RIMS1: variants seen among roughly 807,000 people sequenced by gnomAD.
RIMS1 encodes the protein regulating synaptic membrane exocytosis 1.
In RIMS1, 83 loss-of-function variants were observed where a neutral mutation model predicts 214.1. The ratio of observed to expected loss-of-function variants is 0.39; its 90% CI spans 0.32 to 0.47. The LOEUF (loss-of-function observed/expected upper bound fraction) is 0.47. RIMS1 is among the 20% of genes least tolerant of loss of function. The probability of loss-of-function intolerance (pLI) is 0.99; values close to 1 mark genes in which losing one functional copy is unlikely to be tolerated. For synonymous variants in RIMS1, 793 were observed against 786.8 expected (o/e 1.01, Z -0.13); for missense variants, 2,050 against 2,161.8 (o/e 0.95, Z 1.03).
chr6:72,400,700 T>G lies in RIMS1; in HGVS notation c.5065T>G (p.Cys1689Gly). 6.2e-7 allele frequency: 1 copy of G among 1,612,546 alleles called. No individual in the cohort carries two copies. Among genetic ancestry groups the G allele is most frequent in the Middle Eastern group, 1.7e-4 (1 of 5,958 alleles). Residue 1689 changes from cysteine (C) to glycine (G), a missense_variant, in exon 34 of 34, where the codon TGT becomes GGT. By Grantham distance (159) the Cys-to-Gly change is radical (BLOSUM62 -3). Transcript: ENST00000521978. ...TCTGGAAAGTTCAACTGGGCCTCCC[T>G]GTATTCGATCATAGTGAACTCATAC... is the stretch of plus-strand genomic sequence containing the variant. ...SSLESSTGPP[C>G]IRS
intron 2 of RIMS1, among the ~76,000 whole-genome samples, chr6:72,019,335 T>A (rs1813817982): frequency 6.6e-6 from 1 of 152,194 alleles, no homozygotes; most frequent in Non-Finnish European, 1.5e-5. Context: ...CAAACCTTGG[T>A]CAGCAAATGA....
At chr6:72,115,716 G>A (rs9351889) in intron 4 of RIMS1, among the ~76,000 whole-genome samples, 41,146 of 151,560 alleles carry the variant, frequency 0.27, 6,582 homozygotes, top group Admixed American at 0.36. Context: ...CAACTGTGGG[G>A]TTAATATTAT....
rs560129752 is a variant in RIMS1 at position 71,970,626 on chromosome 6, T to C, written c.245+1563T>C. On this transcript the variant is annotated intron_variant, in intron 2 of 33. Transcript: ENST00000521978. The stretch of plus-strand genomic sequence containing the variant: ...TGTAGAAATCTGTCGTCACTTTAAT[T>C]GCACCTTGTGGAAACTTCCCTGTGG... Among the ~76,000 whole-genome samples, 3 of 152,346 alleles carry C rather than the reference T, an allele frequency of 2.0e-5. No individual in the cohort carries two copies. The South Asian group carries it at 6.2e-4, about 32-fold the overall frequency.
chr6:72,331,745 A>G (rs1435651533), intron 28 of RIMS1, among the ~76,000 whole-genome samples: 1 of 151,914 alleles, frequency 6.6e-6, no homozygotes, highest in African/African-American at 2.4e-5. Flanking sequence ...AAAAATGTAC[A>G]TAAAATGCAT....
Position 72,250,374 on chromosome 6 carries a change from T to C in RIMS1, c.2286T>C (p.Asn762=), listed in dbSNP as rs759813625. The stretch of plus-strand genomic sequence containing the variant: ...AAGTGGGACACCAGCTGATTGTAAA[T>C]GTTCTGCAAGCAACAGATCTACCTG... ...YDKVGHQLIV[N]VLQATDLPAR... Residue 762 remains asparagine, a synonymous_variant, in exon 13 of 34, where the codon AAT becomes AAC. Coordinates refer to ENST00000521978, the MANE Select transcript of RIMS1 (RefSeq NM_014989.7). 4 of 1,610,456 alleles carry C rather than the reference T, an allele frequency of 2.5e-6. No homozygotes were observed. The highest frequency in any genetic ancestry group is 2.2e-5 in the East Asian group (1 of 44,590).
intron 28 of RIMS1, among the ~76,000 whole-genome samples, chr6:72,325,202 A>G (rs1334812994): frequency 1.3e-5 from 2 of 151,776 alleles, no homozygotes; most frequent in African/African-American, 4.8e-5. Context: ...GGACATTACA[A>G]GATAGAAAAA....
At chr6:71,997,129 C>T (rs1803698027) in intron 2 of RIMS1, among the ~76,000 whole-genome samples, 1 of 152,104 alleles carries the variant, frequency 6.6e-6, no homozygotes, top group South Asian at 2.1e-4. Context: ...AACTTAATTA[C>T]TTTTGAAGAA....
intron 2 of RIMS1, among the ~76,000 whole-genome samples, chr6:72,069,925 T>C (rs546061469): frequency 6.6e-5 from 10 of 152,344 alleles, no homozygotes; most frequent in African/African-American, 2.4e-4. Context: ...GATACAGTGC[T>C]CAGAATAACT....
At position 72,237,714 on chromosome 6, in the gene RIMS1, T is replaced by C. The variant is rs190992812; in HGVS notation, c.1858-109T>C. 158 of 784,020 alleles carry C rather than the reference T, an allele frequency of 2.0e-4. No individual in the cohort carries two copies. The Middle Eastern group carries it at 2.2e-3, about 11-fold the overall frequency. The allele number at this position is 784,020 out of a possible 1,614,324, so 48.6% of individuals were successfully genotyped here. A position where few individuals can be genotyped will look rare whatever the true frequency, so the allele number is the denominator to read the frequency against. ...AAGTGCTTCACTTCATTAATGTTTCTACATGCAATTTCAAGTGTATCATAA... is the reference window on the plus strand; with the variant it reads ...AAGTGCTTCACTTCATTAATGTTTCCACATGCAATTTCAAGTGTATCATAA... On this transcript the variant is annotated intron_variant, in intron 8 of 33. Transcript: ENST00000521978.
chr6:71,948,761 AGAG>A (rs1788603521), intron 1 of RIMS1, among the ~76,000 whole-genome samples: 1 of 152,196 alleles, frequency 6.6e-6, no homozygotes, highest in East Asian at 1.9e-4. Flanking sequence ...CAGCTAACCT[AGAG>A]GAGAAGGCAG....
chr6:72,131,665 G>T (rs2040461246), intron 4 of RIMS1, among the ~76,000 whole-genome samples: 1 of 152,180 alleles, frequency 6.6e-6, no homozygotes, highest in South Asian at 2.1e-4. Context: ...TGCTAATGAA[G>T]TTTTGGGCAC....
At chr6:72,336,707 T>C (rs568944132) in intron 29 of RIMS1, among the ~76,000 whole-genome samples, 8 of 151,960 alleles carry the variant, frequency 5.3e-5, no homozygotes, top group African/African-American at 1.7e-4. Context: ...TTTCATTTGA[T>C]AGCCTATCCT....
intron 1 of RIMS1, among the ~76,000 whole-genome samples, chr6:71,967,106 C>T (rs1243440349): frequency 3.3e-5 from 5 of 152,132 alleles, no homozygotes; most frequent in East Asian, 3.9e-4. Context: ...AAAAATGCTG[C>T]GGCCAGGCGC....
At chr6:72,037,509 T>C (rs367788529) in intron 2 of RIMS1, among the ~76,000 whole-genome samples, 1 of 152,174 alleles carries the variant, frequency 6.6e-6, no homozygotes, top group East Asian at 1.9e-4. Flanking sequence ...CTTGAGGTTT[T>C]AGTTTTTTTT....
At chr6:72,145,664 C>T (rs1458718849) in intron 4 of RIMS1, among the ~76,000 whole-genome samples, 2 of 152,030 alleles carry the variant, frequency 1.3e-5, no homozygotes, top group Non-Finnish European at 2.9e-5. Context: ...GGTTAGGAAC[C>T]CCGTATAAAG....
At chr6:72,290,212 G>A (rs1289022925) in intron 24 of RIMS1, among the ~76,000 whole-genome samples, 2 of 152,110 alleles carry the variant, frequency 1.3e-5, no homozygotes, top group Admixed American at 6.6e-5. Context: ...GTAAAATTAT[G>A]AACATTGTAA....
intron 6 of RIMS1, among the ~76,000 whole-genome samples, chr6:72,189,326 A>G (rs919958458): frequency 6.6e-6 from 1 of 152,204 alleles, no homozygotes; most frequent in Non-Finnish European, 1.5e-5. Flanking sequence ...ATGATGGGGA[A>G]CATGGTAAGA....
At chr6:72,334,608 G>A (rs1005709159) in intron 29 of RIMS1, among the ~76,000 whole-genome samples, 25 of 151,810 alleles carry the variant, frequency 1.6e-4, no homozygotes, top group South Asian at 4.1e-4. Flanking sequence ...AAATATTGAA[G>A]CAATTTAAAT....
intron 4 of RIMS1, among the ~76,000 whole-genome samples, chr6:72,111,015 C>T (rs1015691176): frequency 6.6e-6 from 1 of 152,122 alleles, no homozygotes; most frequent in African/African-American, 2.4e-5. Context: ...CTTGTGTTTC[C>T]ACCTCAAAAC....
Sources: gnomAD v4.1 joint callset for allele counts (sites outside exome capture counted in the v4.1 genomes callset) on GRCh38, gnomAD v4.1.1 for gene constraint, MANE v1.5 for transcripts, NCBI Gene and HGNC (gene_info 2026-07-23, HGNC 2026-07-21) for gene names.